PREX1: variants seen among roughly 807,000 people sequenced by gnomAD.
PREX1 encodes the protein phosphatidylinositol 3,4,5-trisphosphate-dependent Rac exchanger 1 protein.
In PREX1, 41 loss-of-function variants were observed where a neutral mutation model predicts 198.3. That is an observed-to-expected ratio of 0.21 (90% CI 0.16 to 0.27). The LOEUF is 0.27. Ranked by LOEUF, PREX1 falls within the 10% of genes least tolerant of loss-of-function variation. The pLI is 1.00. For missense variants in PREX1, 1,620 were observed against 2,200.7 expected (o/e 0.74, Z 5.28); for synonymous variants, 843 against 887.2 (o/e 0.95, Z 0.89).
At chr20:48,809,913 G>C (rs746864980) in intron 1 of PREX1, among the ~76,000 whole-genome samples, 3 of 152,152 alleles carry the variant, frequency 2.0e-5, no homozygotes, top group Non-Finnish European at 4.4e-5. Context: ...ACAGGCCACA[G>C]GAAGTGGAAG....
rs541716811 is a variant in PREX1, at chr20:48,724,015, G to A, written c.621+2275C>T. Among the ~76,000 whole-genome samples the A allele has an allele frequency of 7.9e-5, 12 of 152,320 alleles. No homozygotes were observed. In the South Asian group the frequency reaches 8.3e-4, roughly 11 times the overall value. On this transcript the variant is annotated intron_variant, in intron 5 of 39. Coordinates refer to ENST00000371941, the MANE Select transcript of PREX1 (RefSeq NM_020820.4). ...GGTCAGATGTTCAAGGTTTTGAAAC[G>A]CAGAGAAGAAGGACACTGGCCTCAA...
intron 1 of PREX1, among the ~76,000 whole-genome samples, chr20:48,819,660 G>A (rs1203082396): frequency 6.6e-6 from 1 of 152,204 alleles, no homozygotes; most frequent in Non-Finnish European, 1.5e-5. Context: ...ATGTGGCACA[G>A]TACCTGGAAC....
intron 29 of PREX1, among the ~76,000 whole-genome samples, chr20:48,641,917 AG>A (rs1251282890): frequency 2.0e-5 from 2 of 98,604 alleles, no homozygotes; most frequent in Non-Finnish European, 3.8e-5. Flanking sequence ...GAAAAGAAAC[AG>A]GAGGGGAGGG....
chr20:48,693,608 ATTTAT>A (rs919716214), intron 7 of PREX1, among the ~76,000 whole-genome samples: 2 of 152,010 alleles, frequency 1.3e-5, no homozygotes, highest in African/African-American at 4.8e-5. Context: ...TATTTTATTA[ATTTAT>A]TTTATTTTTT....
chr20:48,755,919 T>C (rs980718547), intron 1 of PREX1, among the ~76,000 whole-genome samples: 9 of 152,218 alleles, frequency 5.9e-5, no homozygotes, highest in African/African-American at 1.9e-4. Context: ...TGCATGTTTT[T>C]ATTTTTCTGG....
the PREX1 span, among the ~76,000 whole-genome samples, chr20:48,847,385 C>A: frequency 0.15 from 17,803 of 119,938 alleles, 1,341 homozygotes; most frequent in African/African-American, 0.2. Context: ...AAAAAAAAAA[C>A]AAACCCTCCC....
chr20:48,649,860 A>G, intron 24 of PREX1, 136 bp downstream of exon 24: 1 of 1,081,334 alleles, frequency 9.2e-7, no homozygotes, highest in Non-Finnish European at 1.4e-6. Context: ...ATGCTGTCCC[A>G]TAAAGAGAGA....
chr20:48,834,206 G>T, the PREX1 span, among the ~76,000 whole-genome samples: 1 of 152,132 alleles, frequency 6.6e-6, no homozygotes, highest in Admixed American at 6.5e-5. Flanking sequence ...TAAAAGTTGA[G>T]AAAAGGGTTC....
the PREX1 span, among the ~76,000 whole-genome samples, chr20:48,869,040 C>T: frequency 7.4e-4 from 113 of 151,958 alleles, no homozygotes; most frequent in African/African-American, 2.5e-3. Context: ...CCATGCCTGG[C>T]TAATTTTTTT....
chr20:48,753,457 CA>C (rs1452642440), intron 1 of PREX1, among the ~76,000 whole-genome samples: 1 of 152,078 alleles, frequency 6.6e-6, no homozygotes, highest in Non-Finnish European at 1.5e-5. Flanking sequence ...CAACTGAGGA[CA>C]GGGGTGCTCC....
At chr20:48,639,423 T>G (rs534126711) in intron 30 of PREX1, among the ~76,000 whole-genome samples, 1 of 152,220 alleles carries the variant, frequency 6.6e-6, no homozygotes, top group Admixed American at 6.5e-5. Context: ...ACCCTGATAA[T>G]AACAGGAACT....
intron 1 of PREX1, among the ~76,000 whole-genome samples, chr20:48,765,349 C>A (rs933341255): frequency 4.1e-4 from 63 of 152,168 alleles, no homozygotes; most frequent in African/African-American, 1.5e-3. Context: ...ATAATAATTA[C>A]AGCAACATCA....
At chr20:48,804,157 G>C (rs564792966) in intron 1 of PREX1, among the ~76,000 whole-genome samples, 3 of 152,214 alleles carry the variant, frequency 2.0e-5, no homozygotes, top group Admixed American at 1.3e-4. Context: ...TGGATAGCTC[G>C]TCCTTCTTTC....
chr20:48,763,998 G>GC (rs2090196484), intron 1 of PREX1, among the ~76,000 whole-genome samples: 2 of 152,216 alleles, frequency 1.3e-5, no homozygotes, highest in Admixed American at 1.3e-4. Context: ...ATGCAGCTAA[G>GC]CAGACAAAGC....
At chr20:48,638,538 G>A (rs6066796) in intron 30 of PREX1, among the ~76,000 whole-genome samples, 1 of 152,212 alleles carries the variant, frequency 6.6e-6, no homozygotes. Context: ...TGGTTTATTA[G>A]GTGCCTTCTT....
intron 2 of PREX1, among the ~76,000 whole-genome samples, chr20:48,747,439 G>A (rs1005633472): frequency 6.6e-6 from 1 of 152,238 alleles, no homozygotes; most frequent in Non-Finnish European, 1.5e-5. Context: ...TGCCAGGAGA[G>A]GGACTGGAGG....
the PREX1 span, chr20:48,849,428 T>C: frequency 6.6e-6 from 1 of 152,228 alleles, no homozygotes; most frequent in Non-Finnish European, 1.5e-5. Flanking sequence ...TTCTTCATTG[T>C]ACTTACCACC....
At chr20:48,794,721 C>A (rs539137933) in intron 1 of PREX1, among the ~76,000 whole-genome samples, 16 of 152,334 alleles carry the variant, frequency 1.1e-4, no homozygotes, top group African/African-American at 3.6e-4. Flanking sequence ...GGGACAGGGT[C>A]CCTAAGAGGG....
chr20:48,661,773 C>T (rs1393665853), intron 15 of PREX1, among the ~76,000 whole-genome samples: 1 of 151,790 alleles, frequency 6.6e-6, no homozygotes, highest in Non-Finnish European at 1.5e-5. Flanking sequence ...AAGACTCAGG[C>T]CCCTAGGTCA....
Sources: allele counts gnomAD v4.1 joint callset (sites outside exome capture counted in the v4.1 genomes callset), GRCh38; gene constraint gnomAD v4.1.1; transcripts MANE v1.5; gene names NCBI Gene and HGNC (gene_info 2026-07-23, HGNC 2026-07-21).